The following LTBP1 variants were observed in gnomAD, a reference collection of about 807,000 sequenced individuals.
The protein encoded by LTBP1 is latent transforming growth factor beta binding protein 1, also known as latent-transforming growth factor beta-binding protein 1.
In LTBP1, 129 loss-of-function variants were observed where a neutral mutation model predicts 207.6. The observed-to-expected ratio is 0.62, with a 90% CI of 0.54 to 0.72. The LOEUF (loss-of-function observed/expected upper bound fraction) is 0.72, where lower values mean the gene tolerates loss of function less well. Ranked by LOEUF, LTBP1 falls within the 30% of genes least tolerant of loss-of-function variation. LTBP1 has a pLI of 0.00. For synonymous variants in LTBP1, 963 were observed against 833.7 expected (o/e 1.16, Z -2.67); for missense variants, 2,281 against 2,217.2 (o/e 1.03, Z -0.58).
At chr2:33,365,309 A>G (rs1221707984) in intron 30 of LTBP1, 24 bp from the exon 31 acceptor site, 1 of 1,611,148 alleles carries the variant, frequency 6.2e-7, no homozygotes, top group Admixed American at 1.7e-5. Context: ...TGCGATTTTC[A>G]TGGAACTATG....
intron 2 of LTBP1, among the ~76,000 whole-genome samples, chr2:32,968,727 CTTT>C (rs1431607859): frequency 1.5e-5 from 2 of 136,792 alleles, no homozygotes; most frequent in African/African-American, 2.7e-5. Flanking sequence ...TTTTTCCTGC[CTTT>C]TTTTTTTTTT....
intron 2 of LTBP1, among the ~76,000 whole-genome samples, chr2:32,967,689 G>A (rs1056999964): frequency 6.6e-6 from 1 of 152,070 alleles, no homozygotes; most frequent in African/African-American, 2.4e-5. Context: ...GATATTATAT[G>A]ATTTTTACTC....
intron 3 of LTBP1, among the ~76,000 whole-genome samples, chr2:33,055,475 G>A (rs1265312682): frequency 6.6e-6 from 1 of 152,168 alleles, no homozygotes; most frequent in Non-Finnish European, 1.5e-5. Context: ...TCTGAGTCAA[G>A]GTCCCAGTGG....
At chr2:33,085,269 T>C (rs1456635608) in intron 3 of LTBP1, among the ~76,000 whole-genome samples, 1 of 152,214 alleles carries the variant, frequency 6.6e-6, no homozygotes, top group East Asian at 1.9e-4. Flanking sequence ...ACATTTCTGT[T>C]GTTTTAAGCC....
chr2:33,342,978 T>A lies in LTBP1; in HGVS notation c.3856+15T>A, dbSNP rs772083349. The A allele has an allele frequency of 6.2e-7, 1 of 1,605,036 alleles. No homozygotes were observed. The highest frequency in any genetic ancestry group is 8.5e-7 in the Non-Finnish European group (1 of 1,175,444). ...AGGGTGTGTGGGTGAGTTTTTAGAT[T>A]TTTTCCCAACGTGTTTCACATGTCC... On this transcript the variant is annotated intron_variant, in intron 25 of 33. Transcript: ENST00000404816.
At chr2:33,232,525 A>C (rs541333234) in intron 9 of LTBP1, among the ~76,000 whole-genome samples, 5 of 152,302 alleles carry the variant, frequency 3.3e-5, no homozygotes, top group Admixed American at 3.3e-4. Flanking sequence ...CTAATAGTTA[A>C]ATGAATTTAC....
intron 10 of LTBP1, among the ~76,000 whole-genome samples, chr2:33,244,362 T>C (rs2092437162): frequency 6.6e-6 from 1 of 152,194 alleles, no homozygotes; most frequent in South Asian, 2.1e-4. Flanking sequence ...TGACCCTAAA[T>C]TATACTGTTT....
At chr2:33,061,321 T>C (rs560067669) in intron 3 of LTBP1, 1 of 152,266 alleles carries the variant, frequency 6.6e-6, no homozygotes, top group South Asian at 2.1e-4. Flanking sequence ...CAGTATTTGC[T>C]TATAGTGTTA....
chr2:33,175,457 C>T (rs1301939826), intron 5 of LTBP1, among the ~76,000 whole-genome samples: 2 of 152,094 alleles, frequency 1.3e-5, no homozygotes, highest in East Asian at 3.9e-4. Context: ...CAATGAGATA[C>T]CATCTCACAC....
chr2:32,959,613 A>AT lies in LTBP1; in HGVS notation c.565+10669dup, dbSNP rs71407488. On this transcript the variant is annotated intron_variant, in intron 2 of 33. Coordinates refer to ENST00000404816, the MANE Select transcript of LTBP1 (RefSeq NM_206943.4). ...TATGTACGTGTATATATATATATAT[A>AT]TATATATATTTTTTTTTTTTTTTTT... Among the ~76,000 whole-genome samples, 129 of 36,726 alleles carry AT rather than the reference A, an allele frequency of 3.5e-3. 3 individuals carry two copies. Among genetic ancestry groups the AT allele is most frequent in the Non-Finnish European group, 4.9e-3 (96 of 19,404 alleles). 24.1% of individuals were successfully genotyped at this position (36,726 alleles called of 152,430 possible). A position where few individuals can be genotyped will look rare whatever the true frequency, so the allele number is the denominator to read the frequency against.
At position 33,272,640 on chromosome 2, in the gene LTBP1, T is replaced by C. The variant is rs543072605; in HGVS notation, c.2618-1016T>C. 1.4e-4 allele frequency among the ~76,000 whole-genome samples: 22 copies of C among 152,228 alleles called. 1 individual carries two copies. Among genetic ancestry groups the C allele is most frequent in the Non-Finnish European group, 2.4e-4 (16 of 68,042 alleles). The stretch of plus-strand genomic sequence containing the variant: ...GTTGGAACTCTGATTATTTCCATTT[T>C]ACACATGTAGAAAAGTGAGGCATAG... On this transcript the variant is annotated intron_variant, in intron 15 of 33. Coordinates refer to ENST00000404816, the MANE Select transcript of LTBP1 (RefSeq NM_206943.4).
At chr2:33,151,150 C>T (rs916769696) in intron 5 of LTBP1, among the ~76,000 whole-genome samples, 11 of 152,220 alleles carry the variant, frequency 7.2e-5, no homozygotes, top group Admixed American at 1.3e-4. Context: ...ATTCATCTGT[C>T]GATGTATATA....
intron 3 of LTBP1, among the ~76,000 whole-genome samples, chr2:33,025,499 T>C (rs1401881641): frequency 6.6e-6 from 1 of 152,138 alleles, no homozygotes; most frequent in African/African-American, 2.4e-5. Context: ...AGAAACACAT[T>C]AACCAATCAC....
intron 5 of LTBP1, among the ~76,000 whole-genome samples, chr2:33,183,569 G>A (rs182994813): frequency 6.6e-6 from 1 of 152,140 alleles, no homozygotes; most frequent in Non-Finnish European, 1.5e-5. Context: ...CGTTGTCGGG[G>A]GACTGGTATT....
intron 10 of LTBP1, among the ~76,000 whole-genome samples, chr2:33,251,185 A>C (rs1291720163): frequency 6.6e-6 from 1 of 152,188 alleles, no homozygotes; most frequent in Admixed American, 6.5e-5. Flanking sequence ...AAAATTTTGC[A>C]CAGAATCTAC....
Position 33,318,358 on chromosome 2 carries a change from G to A in LTBP1, c.3730+3089G>A, listed in dbSNP as rs548954183. The stretch of plus-strand genomic sequence containing the variant: ...AGCTATTTGTCATTTATTCACTCAC[G>A]TAACCGGTATTTACTGAGTTCCTAT... On this transcript the variant is annotated intron_variant, in intron 24 of 33. Transcript: ENST00000404816. Among the ~76,000 whole-genome samples the A allele has an allele frequency of 1.3e-4, 20 of 152,234 alleles. No homozygotes were observed. In the South Asian group the frequency reaches 2.5e-3, roughly 19 times the overall value.
chr2:33,039,984 G>A (rs917617047), intron 3 of LTBP1, among the ~76,000 whole-genome samples: 1 of 152,064 alleles, frequency 6.6e-6, no homozygotes, highest in Admixed American at 6.6e-5. Context: ...GTGCAGGGGA[G>A]GAATCAAGGA....
chr2:33,183,642 C>G (rs1281247665), intron 5 of LTBP1, among the ~76,000 whole-genome samples: 2 of 152,176 alleles, frequency 1.3e-5, no homozygotes, highest in East Asian at 3.9e-4. Context: ...TGAGGAGTGC[C>G]TGTATTCCAG....
rs188078270 is a variant in LTBP1 at position 33,142,652 on chromosome 2, G to T, written c.1201+7692G>T. ...CTGAGGCAGAGAAGGGCAGTGGGGCGGGGGGCAGAGTGGTTGTATAAGAAC... is the reference window on the plus strand; with the variant it reads ...CTGAGGCAGAGAAGGGCAGTGGGGCTGGGGGCAGAGTGGTTGTATAAGAAC... On this transcript the variant is annotated intron_variant, in intron 5 of 33. Transcript: ENST00000404816. 1.6e-3 allele frequency among the ~76,000 whole-genome samples: 249 copies of T among 152,192 alleles called. 1 individual carries two copies. Among genetic ancestry groups the T allele is most frequent in the African/African-American group, 5.8e-3 (242 of 41,554 alleles).
Sources: allele counts gnomAD v4.1 joint callset (sites outside exome capture counted in the v4.1 genomes callset), GRCh38; gene constraint gnomAD v4.1.1; transcripts MANE v1.5; gene names NCBI Gene and HGNC (gene_info 2026-07-23, HGNC 2026-07-21).